The following SFMBT1 variants were observed in gnomAD, a reference collection of about 807,000 sequenced individuals.
SFMBT1 encodes the protein Scm like with four mbt domains 1.
SFMBT1 carries 32 observed loss-of-function variants against 108.7 expected under a neutral mutation model. The ratio of observed to expected loss-of-function variants is 0.29; its 90% CI spans 0.22 to 0.40. The LOEUF is 0.40. Ranked by LOEUF, SFMBT1 falls within the 10% of genes least tolerant of loss-of-function variation. The pLI, the probability that SFMBT1 is intolerant of heterozygous loss-of-function variation, is 1.00. For missense variants in SFMBT1, 816 were observed against 1,059.6 expected, an observed-to-expected ratio of 0.77 and a Z score of 3.19; for synonymous variants, 348 against 369.5, an observed-to-expected ratio of 0.94 and a Z score of 0.67.
At chr3:52,996,056 GT>G (rs1698316642) in intron 1 of SFMBT1, among the ~76,000 whole-genome samples, 1 of 139,696 alleles carries the variant, frequency 7.2e-6, no homozygotes, top group African/African-American at 2.5e-5. Flanking sequence ...GGGCAACAGG[GT>G]GAGACTCCAT....
At chr3:53,018,512 A>C (rs1699199413) in intron 1 of SFMBT1, among the ~76,000 whole-genome samples, 2 of 152,128 alleles carry the variant, frequency 1.3e-5, no homozygotes, top group African/African-American at 4.8e-5. Context: ...AGATCAGCAC[A>C]CAAACAGGCT....
chr3:52,912,497 G>C, intron 16 of SFMBT1, 41 bp downstream of exon 16: 1 of 1,552,558 alleles, frequency 6.4e-7, no homozygotes, highest in East Asian at 2.2e-5. Context: ...ACTTTTTAAA[G>C]ACAAGTAAAA....
chr3:52,941,593 C>A (rs376904058), intron 4 of SFMBT1, among the ~76,000 whole-genome samples: 152 of 64,036 alleles, frequency 2.4e-3, no homozygotes, highest in South Asian at 4.4e-3. Context: ...GACTCTGTTT[C>A]AAAAAAAAAA....
At chr3:52,973,243 A>T (rs921168368) in intron 1 of SFMBT1, among the ~76,000 whole-genome samples, 1 of 152,078 alleles carries the variant, frequency 6.6e-6, no homozygotes. Context: ...AAATAAATAA[A>T]TAAAAGTAAA....
At chr3:53,002,127 G>A (rs943611036) in intron 1 of SFMBT1, among the ~76,000 whole-genome samples, 4 of 149,982 alleles carry the variant, frequency 2.7e-5, no homozygotes, top group African/African-American at 7.3e-5. Context: ...CCAGTTGGCC[G>A]CAGTGGCTCA....
intron 1 of SFMBT1, among the ~76,000 whole-genome samples, chr3:53,003,121 C>CAAAAAAA (rs397894876): frequency 3.1e-4 from 19 of 61,996 alleles, no homozygotes; most frequent in East Asian, 5.2e-4. Context: ...GACTCCATCA[C>CAAAAAAA]AAAAAAAAAA....
chr3:52,907,375 AT>A, intron 18 of SFMBT1, 61 bp from the exon 19 acceptor site: 1 of 1,546,376 alleles, frequency 6.5e-7, no homozygotes, highest in East Asian at 2.3e-5. Flanking sequence ...GTTTCATATG[AT>A]TAAAAAAAAA....
intron 1 of SFMBT1, among the ~76,000 whole-genome samples, chr3:53,020,068 A>AT (rs957875218): frequency 3.4e-4 from 50 of 147,634 alleles, no homozygotes; most frequent in East Asian, 1.2e-3. Context: ...GTACATAAAG[A>AT]TTTTTTTTTT....
intron 13 of SFMBT1, among the ~76,000 whole-genome samples, 177 bp downstream of exon 13, chr3:52,918,307 T>C (rs1347647423): frequency 2.0e-5 from 3 of 152,224 alleles, no homozygotes; most frequent in Admixed American, 6.5e-5. Flanking sequence ...TTTTACCCTT[T>C]TGTATATAAT....
chr3:52,945,136 T>TAA lies in SFMBT1; in HGVS notation c.124-1545_124-1544dup, dbSNP rs367727549. Among the ~76,000 whole-genome samples, 270 of 48,536 alleles carry TAA rather than the reference T, an allele frequency of 5.6e-3. 57 individuals are homozygous for TAA. The highest frequency in any genetic ancestry group is 0.036 in the Middle Eastern group (2 of 56). 31.8% of individuals were successfully genotyped at this position (48,536 alleles called of 152,430 possible). A position where few individuals can be genotyped will look rare whatever the true frequency, so the allele number is the denominator to read the frequency against. ...TGATTTCCAAATACCACCTTCCAAT[T>TAA]AAAAAAAAAAAAAAACAAGGACTTC... is the stretch of plus-strand genomic sequence containing the variant. On this transcript the variant is annotated intron_variant, in intron 3 of 20. Coordinates refer to ENST00000394752, the MANE Select transcript of SFMBT1 (RefSeq NM_016329.4).
chr3:52,911,538 G>C (rs1327827040), intron 16 of SFMBT1, among the ~76,000 whole-genome samples: 1 of 152,114 alleles, frequency 6.6e-6, no homozygotes, highest in Non-Finnish European at 1.5e-5. Context: ...GTTATCCAAG[G>C]ACCAGTATGA....
intron 3 of SFMBT1, among the ~76,000 whole-genome samples, chr3:52,952,067 T>C (rs1216469730): frequency 1.3e-5 from 2 of 152,178 alleles, no homozygotes; most frequent in Non-Finnish European, 2.9e-5. Flanking sequence ...AAACTAAAAA[T>C]AGTGGGACTC....
At chr3:52,921,090 C>G (rs1279830406) in intron 11 of SFMBT1, among the ~76,000 whole-genome samples, 2 of 152,172 alleles carry the variant, frequency 1.3e-5, no homozygotes, top group Non-Finnish European at 2.9e-5. Flanking sequence ...ATTTGGCAAG[C>G]TGCTGAACAA....
rs545258314 is a variant in SFMBT1, at chr3:53,030,074, T to C, written c.-131+15742A>G. On this transcript the variant is annotated intron_variant, in intron 1 of 20. Transcript: ENST00000394752. ...AATTATCATTAGTCTATGGTACTGT[T>C]TGCAGCAGCAAAAAAAAACCCAAAA... Among the ~76,000 whole-genome samples, 13 of 152,164 alleles carry C rather than the reference T, an allele frequency of 8.5e-5. No individual in the cohort carries two copies. In the South Asian group the frequency reaches 2.7e-3, roughly 32 times the overall value.
At chr3:52,907,776 TTTGTGTACCTCAAA>T in intron 17 of SFMBT1, 43 bp from the exon 18 acceptor site, 1 of 1,542,918 alleles carries the variant, frequency 6.5e-7, no homozygotes, top group South Asian at 1.2e-5. Flanking sequence ...CTTCATTATT[TTTGTGTACCTCAAA>T]ACCACAAGAG....
intron 1 of SFMBT1, among the ~76,000 whole-genome samples, chr3:52,988,709 C>T (rs1705016386): frequency 6.6e-6 from 1 of 152,150 alleles, no homozygotes; most frequent in Admixed American, 6.5e-5. Flanking sequence ...CTACGTAACA[C>T]ATTAAATCTG....
intron 1 of SFMBT1, among the ~76,000 whole-genome samples, chr3:52,971,056 G>A (rs575836011): frequency 1.3e-5 from 2 of 152,018 alleles, no homozygotes; most frequent in East Asian, 3.9e-4. Context: ...AATCGCTTGA[G>A]CCCAGGAGGC....
intron 1 of SFMBT1, among the ~76,000 whole-genome samples, chr3:52,990,636 T>C (rs1446997501): frequency 6.6e-6 from 1 of 152,066 alleles, no homozygotes; most frequent in African/African-American, 2.4e-5. Context: ...CCTTAATATT[T>C]TGAAAACATC....
At chr3:52,992,867 TG>T (rs1705187677) in intron 1 of SFMBT1, among the ~76,000 whole-genome samples, 1 of 152,228 alleles carries the variant, frequency 6.6e-6, no homozygotes, top group Admixed American at 6.5e-5. Flanking sequence ...CCTCAGGGTC[TG>T]GGCCCCACCT....
Sources: allele counts gnomAD v4.1 joint callset (sites outside exome capture counted in the v4.1 genomes callset), GRCh38; gene constraint gnomAD v4.1.1; transcripts MANE v1.5; gene names NCBI Gene and HGNC (gene_info 2026-07-23, HGNC 2026-07-21).